The following ITGA9 variants were observed in gnomAD, a reference collection of about 807,000 sequenced individuals.
ITGA9 encodes the protein integrin alpha-9.
A neutral mutation model predicts 127.8 loss-of-function variants in ITGA9; 56 were observed. The observed-to-expected ratio is 0.44, with a 90% CI of 0.35 to 0.55. The LOEUF is 0.55. Among genes scored for constraint, ITGA9 ranks in the 20% least tolerant of loss-of-function variants. ITGA9 has a pLI of 0.00. For missense variants in ITGA9, 1,196 were observed against 1,347.1 expected, an observed-to-expected ratio of 0.89 and a Z score of 1.76; for synonymous variants, 508 against 514.5, an observed-to-expected ratio of 0.99 and a Z score of 0.17.
At chr3:37,523,723 C>T in intron 12 of ITGA9, 112 bp downstream of exon 12, 2 of 804,222 alleles carry the variant, frequency 2.5e-6, no homozygotes. Flanking sequence ...TAGGACAATT[C>T]ACACAATAGA....
chr3:37,735,795 A>T (rs533903881), intron 19 of ITGA9, among the ~76,000 whole-genome samples: 1 of 152,290 alleles, frequency 6.6e-6, no homozygotes, highest in East Asian at 1.9e-4. Flanking sequence ...ATAATTTTAG[A>T]TGGTTCATGA....
At chr3:37,753,080 A>C (rs1457512467) in intron 23 of ITGA9, among the ~76,000 whole-genome samples, 1 of 152,226 alleles carries the variant, frequency 6.6e-6, no homozygotes, top group African/African-American at 2.4e-5. Context: ...ACAGAAAAAA[A>C]AGGAAACAGG....
chr3:37,567,771 T>C (rs1699561681), intron 15 of ITGA9, among the ~76,000 whole-genome samples: 1 of 152,146 alleles, frequency 6.6e-6, no homozygotes, highest in Non-Finnish European at 1.5e-5. Flanking sequence ...ATGTCTCACA[T>C]CTGGGTCATG....
At chr3:37,678,469 C>T (rs934557722) in intron 17 of ITGA9, among the ~76,000 whole-genome samples, 2 of 152,166 alleles carry the variant, frequency 1.3e-5, no homozygotes, top group Non-Finnish European at 2.9e-5. Flanking sequence ...ACAGACTTGG[C>T]TGCCCTATAC....
At position 37,471,092 on chromosome 3, in the gene ITGA9, A is replaced by G; in HGVS notation, c.271A>G (p.Thr91Ala). 2 of 1,614,042 alleles carry G rather than the reference A, an allele frequency of 1.2e-6. No homozygotes were observed. The highest frequency in any genetic ancestry group is 2.2e-5 in the South Asian group (2 of 91,070). The change falls in exon 2 of 28, where the codon ACC (threonine) becomes GCC (alanine). Residue 91 changes from threonine (T) to alanine (A), a missense_variant. Coordinates refer to ENST00000264741, the MANE Select transcript of ITGA9 (RefSeq NM_002207.3). ...PGAVFKCRVH[T>A]NPDRRCTELD... ...GGCTGTGTTTAAGTGCCGTGTTCAC[A>G]CCAACCCTGACCGGAGATGCACCGA...
chr3:37,534,055 G>A (rs1334163831), intron 14 of ITGA9, among the ~76,000 whole-genome samples: 1 of 152,144 alleles, frequency 6.6e-6, no homozygotes, highest in Non-Finnish European at 1.5e-5. Flanking sequence ...TTCTGGCTGG[G>A]GAAAATCAAC....
At position 37,820,464 on chromosome 3, in the gene ITGA9, A is replaced by AGATC. The variant is rs1697500124; in HGVS notation, c.*1475_*1476insGATC. On this transcript the variant is annotated 3_prime_UTR_variant, in exon 28 of 28. Transcript: ENST00000264741. ...ATGATGCAAAGGATCTGAGCAGAAC[A>AGATC]CTGCCCCTCCCCACCCCCTGAATGT... 2.6e-5 allele frequency: 4 copies of AGATC among 152,458 alleles called. No homozygotes were observed. Among genetic ancestry groups the AGATC allele is most frequent in the Admixed American group, 1.3e-4 (2 of 15,284 alleles). The allele number at this position is 152,458 out of a possible 1,614,324, so 9.4% of individuals were successfully genotyped here.
At chr3:37,736,822 G>T in intron 19 of ITGA9, 82 bp from the exon 20 acceptor site, 1 of 901,726 alleles carries the variant, frequency 1.1e-6, no homozygotes, top group South Asian at 1.3e-5. Context: ...GCTTCCAGAG[G>T]TCATAAACTG....
Position 37,643,103 on chromosome 3 carries a change from A to G in ITGA9, c.1840-10611A>G, listed in dbSNP as rs573504309. ...ACCAGACAGGCTCCTGAGACCGTGCAAACTGGGGGATTTCAGATTGCACAC... is the reference window on the plus strand; with the variant it reads ...ACCAGACAGGCTCCTGAGACCGTGCGAACTGGGGGATTTCAGATTGCACAC... On this transcript the variant is annotated intron_variant, in intron 16 of 27. Coordinates refer to ENST00000264741, the MANE Select transcript of ITGA9 (RefSeq NM_002207.3). 2.6e-5 allele frequency among the ~76,000 whole-genome samples: 4 copies of G among 152,326 alleles called. No individual in the cohort carries two copies. The South Asian group carries it at 8.3e-4, about 32-fold the overall frequency.
At chr3:37,664,576 A>G (rs1424590866) in intron 17 of ITGA9, among the ~76,000 whole-genome samples, 1 of 151,730 alleles carries the variant, frequency 6.6e-6, no homozygotes, top group African/African-American at 2.4e-5. Context: ...ATGCACCACC[A>G]TGCCTGGCTA....
At chr3:37,686,397 C>T (rs1700782812) in intron 18 of ITGA9, among the ~76,000 whole-genome samples, 1 of 152,148 alleles carries the variant, frequency 6.6e-6, no homozygotes, top group African/African-American at 2.4e-5. Flanking sequence ...CTGCTGGGGA[C>T]AGCATCATTT....
chr3:37,508,248 T>A (rs907774503), intron 7 of ITGA9, among the ~76,000 whole-genome samples: 5 of 152,200 alleles, frequency 3.3e-5, no homozygotes, highest in African/African-American at 4.8e-5. Flanking sequence ...AGAAACAAAA[T>A]ACTAGCTTTT....
chr3:37,530,717 G>GTTTTTTTTTTTTT (rs71094916), intron 13 of ITGA9, among the ~76,000 whole-genome samples: 3 of 86,252 alleles, frequency 3.5e-5, no homozygotes, highest in African/African-American at 4.8e-5. Context: ...CAGCTACCAG[G>GTTTTTTTTTTTTT]TTTTTTTTTT....
At chr3:37,463,948 C>T (rs1451316490) in intron 1 of ITGA9, among the ~76,000 whole-genome samples, 1 of 152,126 alleles carries the variant, frequency 6.6e-6, no homozygotes, top group Admixed American at 6.5e-5. Context: ...CAGTAATCTG[C>T]ATGAATATTC....
chr3:37,543,592 T>G (rs1009455195), intron 15 of ITGA9, among the ~76,000 whole-genome samples: 2 of 152,244 alleles, frequency 1.3e-5, no homozygotes, highest in Non-Finnish European at 2.9e-5. Flanking sequence ...TCTTTTTGAC[T>G]TACAAAAATG....
At chr3:37,623,942 C>T (rs370713096) in intron 15 of ITGA9, among the ~76,000 whole-genome samples, 2 of 152,056 alleles carry the variant, frequency 1.3e-5, no homozygotes, top group Non-Finnish European at 2.9e-5. Flanking sequence ...ACAAGATTAT[C>T]ATAGGTGAAA....
chr3:37,782,941 C>T (rs894708520), intron 25 of ITGA9, among the ~76,000 whole-genome samples: 7 of 152,160 alleles, frequency 4.6e-5, no homozygotes, highest in African/African-American at 1.7e-4. Context: ...AATTCAAGAC[C>T]AGCCTGGCCA....
intron 18 of ITGA9, among the ~76,000 whole-genome samples, chr3:37,693,851 T>G (rs1160628407): frequency 6.6e-6 from 1 of 152,208 alleles, no homozygotes; most frequent in Non-Finnish European, 1.5e-5. Context: ...GCGCAGGGAC[T>G]GATTTTCATT....
intron 15 of ITGA9, among the ~76,000 whole-genome samples, chr3:37,546,892 A>T (rs1181982280): frequency 6.6e-6 from 1 of 152,238 alleles, no homozygotes; most frequent in African/African-American, 2.4e-5. Context: ...CCTGGATGAC[A>T]GCTGTGCTCA....
Sources: allele counts gnomAD v4.1 joint callset (sites outside exome capture counted in the v4.1 genomes callset), GRCh38; gene constraint gnomAD v4.1.1; transcripts MANE v1.5; gene names NCBI Gene and HGNC (gene_info 2026-07-23, HGNC 2026-07-21).